RBFOX1: variants seen among roughly 807,000 people sequenced by gnomAD.
RBFOX1 encodes the protein RNA binding protein fox-1 homolog 1.
A neutral mutation model predicts 57.7 loss-of-function variants in RBFOX1; 8 were observed. That is an observed-to-expected ratio of 0.14 (90% confidence interval 0.08 to 0.25). The LOEUF is 0.25. Among genes scored for constraint, RBFOX1 ranks in the 10% least tolerant of loss-of-function variants. The pLI is 1.00. For missense variants in RBFOX1, 611 were observed against 548.5 expected (o/e 1.11, Z -1.14); for synonymous variants, 326 against 222.4 (o/e 1.47, Z -4.15).
chr16:6,523,103 G>A (rs1241637705), intron 2 of RBFOX1, among the ~76,000 whole-genome samples: 1 of 152,142 alleles, frequency 6.6e-6, no homozygotes, highest in Non-Finnish European at 1.5e-5. Context: ...TTATGTGTTT[G>A]TTTGAATTGT....
chr16:6,628,897 G>A (rs1048110851), intron 2 of RBFOX1, among the ~76,000 whole-genome samples: 6 of 152,126 alleles, frequency 3.9e-5, no homozygotes, highest in Non-Finnish European at 7.3e-5. Context: ...AGGTGTGGTG[G>A]CATGCGTCTG....
intron 2 of RBFOX1, among the ~76,000 whole-genome samples, chr16:6,370,857 A>G (rs1300789864): frequency 1.3e-5 from 2 of 152,212 alleles, no homozygotes; most frequent in African/African-American, 2.4e-5. Flanking sequence ...ATTTTGCTAC[A>G]ATTTTTTACA....
intron 1 of RBFOX1, among the ~76,000 whole-genome samples, chr16:5,299,416 T>A (rs566856686): frequency 8.5e-4 from 129 of 152,370 alleles, no homozygotes; most frequent in African/African-American, 3.0e-3. Context: ...CCAAACTTTG[T>A]GTGAACATAT....
chr16:6,555,639 G>T (rs1019482452), intron 2 of RBFOX1, among the ~76,000 whole-genome samples: 2 of 152,198 alleles, frequency 1.3e-5, no homozygotes, highest in African/African-American at 2.4e-5. Context: ...GGCAGAGCTT[G>T]CCGTGAGCCA....
chr16:6,911,069 C>T (rs1248814790), intron 3 of RBFOX1, among the ~76,000 whole-genome samples: 1 of 151,948 alleles, frequency 6.6e-6, no homozygotes, highest in Non-Finnish European at 1.5e-5. Context: ...AGCGTGGTGG[C>T]AGGCACCTGT....
At chr16:7,179,766 G>T (rs191764448) in intron 4 of RBFOX1, among the ~76,000 whole-genome samples, 1 of 151,866 alleles carries the variant, frequency 6.6e-6, no homozygotes, top group Non-Finnish European at 1.5e-5. Context: ...ATGGAGTCTT[G>T]CTCTGTCACT....
At chr16:5,520,889 C>T (rs2043985731) in intron 2 of RBFOX1, among the ~76,000 whole-genome samples, 1 of 152,114 alleles carries the variant, frequency 6.6e-6, no homozygotes, top group African/African-American at 2.4e-5. Flanking sequence ...GGGAATTGCC[C>T]ACATGGGGTC....
At chr16:6,409,467 C>T (rs1269624315) in intron 2 of RBFOX1, among the ~76,000 whole-genome samples, 1 of 152,086 alleles carries the variant, frequency 6.6e-6, no homozygotes, top group Non-Finnish European at 1.5e-5. Flanking sequence ...ACTGGAAAAC[C>T]TTAAAGTTGT....
intron 3 of RBFOX1, among the ~76,000 whole-genome samples, chr16:6,832,201 G>A (rs879337610): frequency 3.9e-5 from 6 of 152,132 alleles, no homozygotes; most frequent in Non-Finnish European, 7.4e-5. Flanking sequence ...TTGTATGTGA[G>A]GAGCCCAAGT....
At chr16:6,046,011 G>A (rs1295569970) in intron 1 of RBFOX1, among the ~76,000 whole-genome samples, 2 of 152,202 alleles carry the variant, frequency 1.3e-5, no homozygotes, top group Non-Finnish European at 2.9e-5. Context: ...GGTAGGAAGG[G>A]AACGTCTCAT....
At chr16:6,548,155 A>C (rs554842392) in intron 2 of RBFOX1, among the ~76,000 whole-genome samples, 1 of 152,190 alleles carries the variant, frequency 6.6e-6, no homozygotes, top group Non-Finnish European at 1.5e-5. Flanking sequence ...GTGTCACTTT[A>C]CTGACATGCC....
chr16:5,641,750 A>AG (rs1288833711), intron 3 of RBFOX1, among the ~76,000 whole-genome samples: 2 of 152,182 alleles, frequency 1.3e-5, no homozygotes, highest in Non-Finnish European at 2.9e-5. Context: ...GAATAAAGGC[A>AG]GGGGGTCAGT....
intron 3 of RBFOX1, among the ~76,000 whole-genome samples, chr16:6,751,365 A>G (rs1332329354): frequency 2.0e-5 from 3 of 152,136 alleles, no homozygotes; most frequent in Admixed American, 6.6e-5. Flanking sequence ...TGTACTTAGA[A>G]TGCATGCTAG....
intron 2 of RBFOX1, among the ~76,000 whole-genome samples, chr16:5,518,045 A>G (rs1308162478): frequency 6.6e-6 from 1 of 152,158 alleles, no homozygotes; most frequent in Admixed American, 6.6e-5. Context: ...ACTTAAATTA[A>G]TATTATTTAA....
At chr16:5,634,084 C>T (rs1376170058) in intron 3 of RBFOX1, among the ~76,000 whole-genome samples, 1 of 152,130 alleles carries the variant, frequency 6.6e-6, no homozygotes, top group African/African-American at 2.4e-5. Context: ...TTTCTGAGGT[C>T]CAACTTCCAA....
chr16:6,791,651 C>G (rs559475467), intron 3 of RBFOX1, among the ~76,000 whole-genome samples: 1 of 152,032 alleles, frequency 6.6e-6, no homozygotes, highest in Non-Finnish European at 1.5e-5. Flanking sequence ...CCCAGCTACT[C>G]GGGAGGCTGA....
At chr16:6,869,277 A>G (rs562648329) in intron 3 of RBFOX1, among the ~76,000 whole-genome samples, 2 of 152,234 alleles carry the variant, frequency 1.3e-5, no homozygotes, top group African/African-American at 2.4e-5. Flanking sequence ...TCTCATAAGA[A>G]CCTTATCAAG....
chr16:7,470,449 G>A (rs1292080638), intron 4 of RBFOX1, among the ~76,000 whole-genome samples: 2 of 151,864 alleles, frequency 1.3e-5, no homozygotes, highest in Admixed American at 6.5e-5. Flanking sequence ...GAATGAGTGG[G>A]TGGGTGGATG....
At chr16:7,433,759 C>A (rs1027341415) in intron 4 of RBFOX1, among the ~76,000 whole-genome samples, 1 of 152,174 alleles carries the variant, frequency 6.6e-6, no homozygotes, top group African/African-American at 2.4e-5. Flanking sequence ...TCTAATTATC[C>A]AGTCATCTAA....
Sources: allele counts gnomAD v4.1 joint callset (sites outside exome capture counted in the v4.1 genomes callset), GRCh38; gene constraint gnomAD v4.1.1; transcripts MANE v1.5; gene names NCBI Gene and HGNC (gene_info 2026-07-23, HGNC 2026-07-21).